The following MECOM variants were observed in gnomAD, a reference collection of about 807,000 sequenced individuals.
MECOM encodes the protein MDS1 and EVI1 complex locus, also known as histone-lysine N-methyltransferase MECOM.
In MECOM, 13 loss-of-function variants were observed where a neutral mutation model predicts 116.3. That is an observed-to-expected ratio of 0.11 (90% CI 0.07 to 0.18). MECOM has a LOEUF of 0.18. Ranked by LOEUF, MECOM falls within the 10% of genes least tolerant of loss-of-function variation. MECOM has a pLI of 1.00. For synonymous variants in MECOM, 528 were observed against 535.2 expected (o/e 0.99, Z 0.19); for missense variants, 1,299 against 1,509.0 (o/e 0.86, Z 2.31).
intron 5 of MECOM, among the ~76,000 whole-genome samples, chr3:169,126,721 AT>A (rs1732996120): frequency 6.6e-6 from 1 of 152,078 alleles, no homozygotes; most frequent in Non-Finnish European, 1.5e-5. Context: ...CCTTTTAGTC[AT>A]TTATGCCTTA....
chr3:169,264,041 A>G (rs993584501), intron 2 of MECOM, among the ~76,000 whole-genome samples: 1 of 152,204 alleles, frequency 6.6e-6, no homozygotes, highest in Non-Finnish European at 1.5e-5. Flanking sequence ...TCACTTCCAT[A>G]CAGAGTAGAT....
At chr3:169,435,838 C>A (rs1446625693) in intron 1 of MECOM, among the ~76,000 whole-genome samples, 1 of 152,106 alleles carries the variant, frequency 6.6e-6, no homozygotes, top group Non-Finnish European at 1.5e-5. Context: ...AACAAGCAGA[C>A]AATAGCAGTA....
At chr3:169,354,845 G>GAC (rs1181015526) in intron 2 of MECOM, among the ~76,000 whole-genome samples, 1 of 151,772 alleles carries the variant, frequency 6.6e-6, no homozygotes, top group Non-Finnish European at 1.5e-5. Flanking sequence ...AGCCCCAGGA[G>GAC]ACACACAATT....
intron 14 of MECOM, among the ~76,000 whole-genome samples, chr3:169,091,783 AT>A (rs150963722): frequency 3.9e-5 from 6 of 151,914 alleles, no homozygotes; most frequent in Admixed American, 6.6e-5. Context: ...AGAAGTGGTC[AT>A]TTTTTTTGTT....
chr3:169,414,386 G>A (rs1036805380), intron 1 of MECOM, among the ~76,000 whole-genome samples: 2 of 151,912 alleles, frequency 1.3e-5, no homozygotes, highest in East Asian at 1.9e-4. Context: ...ATCCAAAGAT[G>A]GAGCAAAGAT....
At chr3:169,426,782 C>G (rs1451640618) in intron 1 of MECOM, among the ~76,000 whole-genome samples, 1 of 152,126 alleles carries the variant, frequency 6.6e-6, no homozygotes, top group Non-Finnish European at 1.5e-5. Flanking sequence ...ATCCTTCTTC[C>G]AAATGCAAAA....
chr3:169,378,485 GAGAGAA>G (rs1560197384), intron 2 of MECOM, among the ~76,000 whole-genome samples: 3 of 36,830 alleles, frequency 8.1e-5, no homozygotes, highest in Non-Finnish European at 4.2e-5. Context: ...AAGAAAGAGA[GAGAGAA>G]AGAAAGAAAG....
At chr3:169,230,423 G>A (rs1444991600) in intron 2 of MECOM, among the ~76,000 whole-genome samples, 2 of 152,088 alleles carry the variant, frequency 1.3e-5, no homozygotes, top group Non-Finnish European at 2.9e-5. Context: ...AAAGTGGGCA[G>A]ATTTTATAAA....
At position 169,084,800 on chromosome 3, in the gene MECOM, G is replaced by A. The variant is rs1717116321; in HGVS notation, c.*109C>T. 1 of 1,190,190 alleles carries A rather than the reference G, an allele frequency of 8.4e-7. No homozygotes were observed. The highest frequency in any genetic ancestry group is 1.5e-5 in the African/African-American group (1 of 65,962). The allele number at this position is 1,190,190 out of a possible 1,614,324, so 73.7% of individuals were successfully genotyped here. A position where few individuals can be genotyped will look rare whatever the true frequency, so the allele number is the denominator to read the frequency against. ...TAAGGTCACTAGACTTTAGATGAGT[G>A]ACCCTGCAGGTTTATAAGGCATTCT... On this transcript the variant is annotated 3_prime_UTR_variant, in exon 17 of 17. Coordinates refer to ENST00000651503, the MANE Select transcript of MECOM (RefSeq NM_004991.4).
At chr3:169,561,866 C>T (rs1762671705) in intron 1 of MECOM, among the ~76,000 whole-genome samples, 2 of 151,318 alleles carry the variant, frequency 1.3e-5, no homozygotes, top group Non-Finnish European at 2.9e-5. Flanking sequence ...AGCACCTAGG[C>T]TGGGCATGTG....
Position 169,084,803 on chromosome 3 carries a change from C to G in MECOM, c.*106G>C, listed in dbSNP as rs905797420. On this transcript the variant is annotated 3_prime_UTR_variant, in exon 17 of 17. Transcript: ENST00000651503. ...GGTCACTAGACTTTAGATGAGTGAC[C>G]CTGCAGGTTTATAAGGCATTCTGCT... The G allele has an allele frequency of 2.4e-5, 30 of 1,243,226 alleles. No individual in the cohort carries two copies. Among genetic ancestry groups the G allele is most frequent in the Non-Finnish European group, 3.3e-5 (29 of 877,060 alleles). The allele number at this position is 1,243,226 out of a possible 1,614,324, so 77.0% of individuals were successfully genotyped here.
chr3:169,233,479 A>G (rs539601750), intron 2 of MECOM, among the ~76,000 whole-genome samples: 1 of 152,226 alleles, frequency 6.6e-6, no homozygotes, highest in East Asian at 1.9e-4. Context: ...AGCACATTAA[A>G]CTTTAAAAGG....
At chr3:169,137,053 TTTGAAGTTAACAG>T (rs2149247203) in intron 3 of MECOM, among the ~76,000 whole-genome samples, 1 of 152,212 alleles carries the variant, frequency 6.6e-6, no homozygotes, top group Non-Finnish European at 1.5e-5. Context: ...GTCTTTTCAC[TTTGAAGTTAACAG>T]TTGATTTCTT....
chr3:169,170,796 T>C (rs1744297137), intron 2 of MECOM, among the ~76,000 whole-genome samples: 1 of 152,172 alleles, frequency 6.6e-6, no homozygotes, highest in African/African-American at 2.4e-5. Context: ...CGAAAAGGAA[T>C]TCTATTAACC....
chr3:169,324,820 T>C (rs1238106058), intron 2 of MECOM, among the ~76,000 whole-genome samples: 5 of 152,224 alleles, frequency 3.3e-5, no homozygotes, highest in Non-Finnish European at 7.3e-5. Context: ...TTCTGACAGC[T>C]AGAAGATTCA....
chr3:169,112,994 C>G (rs2149050162), intron 8 of MECOM, 120 bp from the exon 9 acceptor site: 1 of 677,912 alleles, frequency 1.5e-6, no homozygotes, highest in East Asian at 2.7e-5. Context: ...GAAGCGCACT[C>G]ATAAAACTAT....
At chr3:169,413,390 C>T (rs1396566674) in intron 1 of MECOM, among the ~76,000 whole-genome samples, 1 of 152,176 alleles carries the variant, frequency 6.6e-6, no homozygotes, top group Non-Finnish European at 1.5e-5. Context: ...GGTACCTACA[C>T]CACAAGTGCC....
At chr3:169,369,083 T>C (rs988722879) in intron 2 of MECOM, among the ~76,000 whole-genome samples, 2 of 151,976 alleles carry the variant, frequency 1.3e-5, no homozygotes, top group Non-Finnish European at 2.9e-5. Context: ...CTTTTCCACT[T>C]CACCAACTTC....
intron 1 of MECOM, among the ~76,000 whole-genome samples, chr3:169,529,026 A>G (rs1233929374): frequency 6.6e-6 from 1 of 152,226 alleles, no homozygotes; most frequent in Non-Finnish European, 1.5e-5. Flanking sequence ...AGAATTTATA[A>G]TGTGGCAAAC....
Sources: gnomAD v4.1 joint callset for allele counts (sites outside exome capture counted in the v4.1 genomes callset) on GRCh38, gnomAD v4.1.1 for gene constraint, MANE v1.5 for transcripts, NCBI Gene and HGNC (gene_info 2026-07-23, HGNC 2026-07-21) for gene names.